Variants in MEF2D observed in about 807,000 individuals in gnomAD.
MEF2D encodes myocyte-specific enhancer factor 2D.
Under a neutral mutation model 59.3 loss-of-function variants are expected in MEF2D, and 10 were observed. The ratio of observed to expected loss-of-function variants is 0.17; its 90% CI spans 0.10 to 0.29. MEF2D has a LOEUF of 0.29. Among genes scored for constraint, MEF2D ranks in the 10% least tolerant of loss-of-function variants. The pLI, the probability that MEF2D is intolerant of heterozygous loss-of-function variation, is 1.00. For synonymous variants in MEF2D, 305 were observed against 295.0 expected (o/e 1.03, Z -0.35); for missense variants, 508 against 699.4 (o/e 0.73, Z 3.09).
At chr1:156,497,905 G>A (rs1557899959) in intron 1 of MEF2D, among the ~76,000 whole-genome samples, 1 of 151,844 alleles carries the variant, frequency 6.6e-6, no homozygotes. Flanking sequence ...CCACAGCAGA[G>A]GGACCCTCTG....
At chr1:156,484,064 AGT>A (rs1672186566) in intron 1 of MEF2D, 1 of 152,236 alleles carries the variant, frequency 6.6e-6, no homozygotes. Context: ...TGTTTTACTC[AGT>A]GAGCTTAAGC....
chr1:156,496,272 A>G (rs1424549195), intron 1 of MEF2D, among the ~76,000 whole-genome samples: 1 of 152,182 alleles, frequency 6.6e-6, no homozygotes, highest in Non-Finnish European at 1.5e-5. Context: ...CATCAGGGTG[A>G]GCGGGGAGGG....
Position 156,476,489 on chromosome 1 carries a change from C to A in MEF2D, c.876+5G>T, listed in dbSNP as rs2102059455. Reference sequence around the variant, plus strand: ...CCACAGCAAAGAGCTCACAGCCTCACTTACCAGATCTAAATGGTCCTCAGT... The same window carrying A: ...CCACAGCAAAGAGCTCACAGCCTCAATTACCAGATCTAAATGGTCCTCAGT... On this transcript the variant is annotated splice_donor_5th_base_variant and intron_variant, in intron 8 of 11. Coordinates refer to ENST00000348159, the MANE Select transcript of MEF2D (RefSeq NM_005920.4). 1.9e-6 allele frequency: 3 copies of A among 1,611,964 alleles called. No individual in the cohort carries two copies. The highest frequency in any genetic ancestry group is 2.5e-6 in the Non-Finnish European group (3 of 1,179,116).
rs1670825729 is a variant in MEF2D, at chr1:156,466,163, G to A, written c.*1482C>T. The A allele has an allele frequency of 6.6e-6, 1 of 152,306 alleles. No homozygotes were observed. The highest frequency in any genetic ancestry group is 2.1e-4 in the South Asian group (1 of 4,828). The allele number at this position is 152,306 out of a possible 1,614,324, so 9.4% of individuals were successfully genotyped here. A position where few individuals can be genotyped will look rare whatever the true frequency, so the allele number is the denominator to read the frequency against. On this transcript the variant is annotated 3_prime_UTR_variant, in exon 12 of 12. Coordinates refer to ENST00000348159, the MANE Select transcript of MEF2D (RefSeq NM_005920.4). ...CCCACTGAGGAGGCAGCAGGGAGGG[G>A]CGGACTCAGAGGAGGGGAGGGGAGC...
intron 1 of MEF2D, among the ~76,000 whole-genome samples, chr1:156,499,168 C>T (rs1252924541): frequency 3.3e-5 from 5 of 152,140 alleles, no homozygotes; most frequent in African/African-American, 4.8e-5. Context: ...CCAAGGTCAC[C>T]GCCCCAGACG....
At chr1:156,483,058 C>T (rs375702139) in intron 2 of MEF2D, among the ~76,000 whole-genome samples, 181 bp downstream of exon 2, 6 of 152,240 alleles carry the variant, frequency 3.9e-5, no homozygotes, top group Admixed American at 6.5e-5. Context: ...AGTCCAGGGA[C>T]GCAGAGCTCC....
intron 3 of MEF2D, 132 bp from the exon 4 acceptor site, chr1:156,481,103 T>C (rs1671984920): frequency 5.4e-6 from 7 of 1,292,098 alleles, no homozygotes; most frequent in Middle Eastern, 2.7e-4. Context: ...AGCATCTCCC[T>C]GGCCCCTCCC....
chr1:156,467,693 G>C (rs762267525), intron 11 of MEF2D, 37 bp from the exon 12 acceptor site: 16 of 1,350,520 alleles, frequency 1.2e-5, no homozygotes, highest in Middle Eastern at 4.1e-4. Context: ...GGTGTGAGGG[G>C]GTGGCCCAGG....
At chr1:156,490,211 G>GCCCCTACTC in intron 1 of MEF2D, among the ~76,000 whole-genome samples, 1 of 151,594 alleles carries the variant, frequency 6.6e-6, no homozygotes, top group African/African-American at 2.4e-5. Context: ...TGCTCCCCAC[G>GCCCCTACTC]CCCCTACTCC....
chr1:156,496,948 T>C (rs1430796966), intron 1 of MEF2D, among the ~76,000 whole-genome samples: 5 of 152,280 alleles, frequency 3.3e-5, no homozygotes, highest in Admixed American at 2.6e-4. Flanking sequence ...GAGATCCAAA[T>C]AGCACCGACC....
intron 8 of MEF2D, 139 bp from the exon 9 acceptor site, chr1:156,475,376 T>C (rs1392768511): frequency 4.1e-6 from 4 of 972,228 alleles, no homozygotes; most frequent in Non-Finnish European, 5.9e-6. Context: ...CCCACAGATA[T>C]ACAAACACAC....
intron 4 of MEF2D, 72 bp from the exon 5 acceptor site, chr1:156,479,868 G>C (rs1671876324): frequency 2.1e-6 from 3 of 1,412,378 alleles, no homozygotes; most frequent in African/African-American, 1.4e-5. Flanking sequence ...TTCCTGGGAG[G>C]GCAGGCAAGG....
intron 1 of MEF2D, among the ~76,000 whole-genome samples, chr1:156,496,392 C>T (rs1217334218): frequency 2.0e-5 from 3 of 151,978 alleles, no homozygotes; most frequent in African/African-American, 4.8e-5. Flanking sequence ...CGGGGACACA[C>T]GGTCAGTGTG....
chr1:156,466,648 T>A lies in MEF2D; in HGVS notation c.*997A>T, dbSNP rs1477623265. 1 of 152,650 alleles carries A rather than the reference T, an allele frequency of 6.6e-6. No homozygotes were observed. Among genetic ancestry groups the A allele is most frequent in the Non-Finnish European group, 1.5e-5 (1 of 68,192 alleles). The allele number at this position is 152,650 out of a possible 1,614,324, so 9.5% of individuals were successfully genotyped here. A position where few individuals can be genotyped will look rare whatever the true frequency, so the allele number is the denominator to read the frequency against. On this transcript the variant is annotated 3_prime_UTR_variant, in exon 12 of 12. Coordinates refer to ENST00000348159, the MANE Select transcript of MEF2D (RefSeq NM_005920.4). ...ACCACACTCGCCCCAATGAAAGAGCTCTGGCCTGGAGCACCCCAGGGAAGT... is the reference window on the plus strand; with the variant it reads ...ACCACACTCGCCCCAATGAAAGAGCACTGGCCTGGAGCACCCCAGGGAAGT...
At chr1:156,495,194 C>A (rs1295397697) in intron 1 of MEF2D, among the ~76,000 whole-genome samples, 1 of 152,142 alleles carries the variant, frequency 6.6e-6, no homozygotes, top group African/African-American at 2.4e-5. Context: ...GCTGAGGAAT[C>A]CTGGTTTTCT....
At chr1:156,489,273 T>C (rs2102214047) in intron 1 of MEF2D, among the ~76,000 whole-genome samples, 1 of 151,758 alleles carries the variant, frequency 6.6e-6, no homozygotes, top group African/African-American at 2.4e-5. Context: ...CTGCAGGGCA[T>C]GAAATAAGCA....
intron 9 of MEF2D, among the ~76,000 whole-genome samples, chr1:156,471,078 CAG>C (rs1033916967): frequency 2.0e-5 from 3 of 152,118 alleles, no homozygotes; most frequent in African/African-American, 7.2e-5. Flanking sequence ...TTTTTTGAGA[CAG>C]AGTCTCGCTC....
intron 1 of MEF2D, among the ~76,000 whole-genome samples, chr1:156,499,978 G>A (rs946657934): frequency 6.6e-6 from 1 of 151,190 alleles, no homozygotes; most frequent in African/African-American, 2.4e-5. Context: ...AAACAGCTGC[G>A]GCTCCCCCCG....
chr1:156,492,965 T>C (rs901802067), intron 1 of MEF2D, among the ~76,000 whole-genome samples: 5 of 152,154 alleles, frequency 3.3e-5, no homozygotes, highest in South Asian at 2.1e-4. Context: ...TGTGGGCCCC[T>C]GGCCAAAGGA....
Sources: gnomAD v4.1 joint callset for allele counts (sites outside exome capture counted in the v4.1 genomes callset) on GRCh38, gnomAD v4.1.1 for gene constraint, MANE v1.5 for transcripts, NCBI Gene and HGNC (gene_info 2026-07-23, HGNC 2026-07-21) for gene names.